DCHS2: variants seen among roughly 807,000 people sequenced by gnomAD.
DCHS2 encodes the protein dachsous cadherin-related 2, also known as protocadherin-23.
A neutral mutation model predicts 182.4 loss-of-function variants in DCHS2; 142 were observed. The observed-to-expected ratio is 0.78, with a 90% confidence interval of 0.68 to 0.89. The LOEUF (loss-of-function observed/expected upper bound fraction) is 0.89, where lower values mean the gene tolerates loss of function less well. Among genes scored for constraint, DCHS2 ranks in the 40% least tolerant of loss-of-function variants. The pLI is 0.00. For missense variants in DCHS2, 4,319 were observed against 4,198.6 expected, an observed-to-expected ratio of 1.03 and a Z score of -0.79; for synonymous variants, 1,740 against 1,663.3, an observed-to-expected ratio of 1.05 and a Z score of -1.12.
intron 1 of DCHS2, among the ~76,000 whole-genome samples, chr4:154,460,428 G>A (rs1277584365): frequency 1.3e-5 from 2 of 152,148 alleles, no homozygotes; most frequent in Non-Finnish European, 2.9e-5. Flanking sequence ...CACCATGTAT[G>A]ATCTGTTTGA....
chr4:154,421,909 A>C (rs1344671234), intron 1 of DCHS2, among the ~76,000 whole-genome samples: 1 of 152,164 alleles, frequency 6.6e-6, no homozygotes, highest in South Asian at 2.1e-4. Flanking sequence ...CATTGAAGTA[A>C]TTATTGCTAA....
At chr4:154,480,245 A>G (rs1485950022) in intron 1 of DCHS2, among the ~76,000 whole-genome samples, 4 of 152,236 alleles carry the variant, frequency 2.6e-5, no homozygotes, top group Non-Finnish European at 5.9e-5. Context: ...GTTTAAGGCC[A>G]TATACGGTAA....
chr4:154,436,322 GC>G (rs1237861632), intron 1 of DCHS2, among the ~76,000 whole-genome samples: 1 of 152,034 alleles, frequency 6.6e-6, no homozygotes, highest in Non-Finnish European at 1.5e-5. Flanking sequence ...GCTCTTTATA[GC>G]TTATTATCTA....
At chr4:154,357,351 G>C (rs755335637) in intron 3 of DCHS2, 11 of 1,484,334 alleles carry the variant, frequency 7.4e-6, no homozygotes. Flanking sequence ...AGCCAGGCTG[G>C]TGGGAGCAGG....
rs374029511 is a variant in DCHS2 at position 154,239,275 on chromosome 4, C to G, written c.7387G>C (p.Gly2463Arg). The G allele has an allele frequency of 3.1e-5, 50 of 1,613,052 alleles. No individual in the cohort carries two copies. In the African/African-American group the frequency reaches 5.1e-4, roughly 16 times the overall value. Residue 2463 changes from glycine to arginine, a missense_variant, in exon 19 of 20, where the codon GGG (glycine) becomes CGG (arginine). Transcript: ENST00000357232. ...GCTGACAGAGTCAGCACTGAATACC[C>G]CACAGGTATTGATTCAGGAACTGTG... is the stretch of plus-strand genomic sequence containing the variant. ...QVTVPESIPV[G>R]YSVLTLSATD... is the part of the protein sequence containing the mutation.
intron 13 of DCHS2, among the ~76,000 whole-genome samples, chr4:154,296,962 T>A (rs1734952582): frequency 6.6e-6 from 1 of 152,186 alleles, no homozygotes; most frequent in South Asian, 2.1e-4. Context: ...GTAGGTGGAT[T>A]TACAATCTTT....
chr4:154,418,122 C>T (rs536966665), intron 1 of DCHS2, among the ~76,000 whole-genome samples: 1 of 152,118 alleles, frequency 6.6e-6, no homozygotes, highest in African/African-American at 2.4e-5. Flanking sequence ...ACAATTATTT[C>T]TAGTTAATAC....
At chr4:154,397,876 T>C (rs184000996) in intron 1 of DCHS2, among the ~76,000 whole-genome samples, 1 of 152,284 alleles carries the variant, frequency 6.6e-6, no homozygotes, top group East Asian at 1.9e-4. Flanking sequence ...CAAAAATGAA[T>C]AATGAAAACC....
chr4:154,406,826 CCA>C (rs1732421640), intron 1 of DCHS2, among the ~76,000 whole-genome samples: 2 of 152,154 alleles, frequency 1.3e-5, no homozygotes, highest in Admixed American at 6.6e-5. Context: ...ACTGTATATC[CCA>C]CAGTTTCTTC....
chr4:154,490,361 C>T lies in DCHS2; in HGVS notation c.995G>A (p.Arg332His). 6.5e-7 allele frequency: 1 copy of T among 1,537,888 alleles called. No individual in the cohort carries two copies. ...DRDLGPNGFV[R>H]YSVRARQVPG... is the part of the protein sequence containing the mutation. Reference sequence around the variant, plus strand: ...CACTTGCCGGGCGCGGACGCTGTAGCGCACGAAGCCATTGGGCCCCAGGTC... The same window carrying T: ...CACTTGCCGGGCGCGGACGCTGTAGTGCACGAAGCCATTGGGCCCCAGGTC... The change falls in exon 1 of 20, where the codon CGC becomes CAC. Residue 332 changes from arginine (R) to histidine (H), a missense_variant. Transcript: ENST00000357232.
intron 13 of DCHS2, among the ~76,000 whole-genome samples, chr4:154,276,555 T>G (rs1367658925): frequency 3.3e-5 from 5 of 152,234 alleles, no homozygotes; most frequent in Admixed American, 3.3e-4. Context: ...TGCCAACATT[T>G]TCTTATTGAT....
intron 1 of DCHS2, among the ~76,000 whole-genome samples, chr4:154,473,335 G>C (rs1320667744): frequency 6.6e-6 from 1 of 152,198 alleles, no homozygotes; most frequent in Non-Finnish European, 1.5e-5. Context: ...AAACTAAGCA[G>C]AGGCCGCTAT....
At chr4:154,420,730 A>G (rs1055295871) in intron 1 of DCHS2, among the ~76,000 whole-genome samples, 2 of 152,172 alleles carry the variant, frequency 1.3e-5, no homozygotes, top group African/African-American at 4.8e-5. Flanking sequence ...CACTGATTCA[A>G]ATGCAATCTC....
chr4:154,368,341 C>T lies in DCHS2; in HGVS notation c.2245-1900G>A, dbSNP rs1371713477. ...CCCTTCCTCTTTCTTTTTTATTTCTCCTCAAATTCAAGAGGTCACTTAGGG... is the reference window on the plus strand; with the variant it reads ...CCCTTCCTCTTTCTTTTTTATTTCTTCTCAAATTCAAGAGGTCACTTAGGG... On this transcript the variant is annotated intron_variant, in intron 2 of 19. Coordinates refer to ENST00000357232, the MANE Select transcript of DCHS2 (RefSeq NM_001358235.2). Among the ~76,000 whole-genome samples the T allele has an allele frequency of 3.3e-5, 5 of 152,070 alleles. No individual in the cohort carries two copies. The East Asian group carries it at 9.7e-4, about 29-fold the overall frequency.
chr4:154,439,114 T>C (rs1733893646), intron 1 of DCHS2, among the ~76,000 whole-genome samples: 1 of 152,210 alleles, frequency 6.6e-6, no homozygotes, highest in Non-Finnish European at 1.5e-5. Context: ...TTATAAGAAT[T>C]TGACAATACA....
At chr4:154,307,881 G>A (rs1253328067) in intron 10 of DCHS2, among the ~76,000 whole-genome samples, 1 of 152,050 alleles carries the variant, frequency 6.6e-6, no homozygotes, top group Non-Finnish European at 1.5e-5. Context: ...GAGAAAGGAG[G>A]CATTGGGAAA....
At chr4:154,302,911 CATAT>C (rs1406285701) in intron 12 of DCHS2, among the ~76,000 whole-genome samples, 5 of 144,914 alleles carry the variant, frequency 3.5e-5, no homozygotes, top group African/African-American at 1.3e-4. Flanking sequence ...TATATACACA[CATAT>C]ATATGAAATA....
chr4:154,391,232 C>T, intron 1 of DCHS2: 2 of 1,613,522 alleles, frequency 1.2e-6, no homozygotes, highest in East Asian at 2.2e-5. Flanking sequence ...TACTTTCAAA[C>T]TGCTGAGTAA....
intron 1 of DCHS2, among the ~76,000 whole-genome samples, chr4:154,421,934 A>C (rs1052508436): frequency 4.6e-5 from 7 of 152,236 alleles, no homozygotes; most frequent in African/African-American, 1.7e-4. Context: ...ACGAATAGCC[A>C]AAGTTGCTAC....
Sources: gnomAD v4.1 joint callset for allele counts (sites outside exome capture counted in the v4.1 genomes callset) on GRCh38, gnomAD v4.1.1 for gene constraint, MANE v1.5 for transcripts, NCBI Gene and HGNC (gene_info 2026-07-23, HGNC 2026-07-21) for gene names.